VPS13C: variants seen among roughly 807,000 people sequenced by gnomAD.
The protein encoded by VPS13C is intermembrane lipid transfer protein VPS13C.
VPS13C carries 358 observed loss-of-function variants against 456.8 expected under a neutral mutation model. The ratio of observed to expected loss-of-function variants is 0.78; its 90% CI spans 0.72 to 0.86. The LOEUF (loss-of-function observed/expected upper bound fraction) is 0.86, where lower values mean the gene tolerates loss of function less well. Ranked by LOEUF, VPS13C falls within the 40% of genes least tolerant of loss-of-function variation. The pLI is 0.00. For missense variants in VPS13C, 4,818 were observed against 4,385.4 expected (o/e 1.10, Z -2.79); for synonymous variants, 1,578 against 1,486.7 (o/e 1.06, Z -1.41).
At chr15:62,038,128 T>G (rs2140688615) in intron 3 of VPS13C, among the ~76,000 whole-genome samples, 1 of 152,244 alleles carries the variant, frequency 6.6e-6, no homozygotes, top group East Asian at 1.9e-4. Flanking sequence ...TGGCTTGTAA[T>G]TTACTTATTT....
intron 61 of VPS13C, among the ~76,000 whole-genome samples, chr15:61,914,878 T>TTAA (rs1455691773): frequency 1.3e-4 from 13 of 102,052 alleles, no homozygotes; most frequent in East Asian, 2.9e-4. Context: ...AACTCTGCCT[T>TTAA]AAAAAAAAAA....
intron 42 of VPS13C, among the ~76,000 whole-genome samples, chr15:61,949,001 G>T (rs573022960): frequency 6.6e-6 from 1 of 152,252 alleles, no homozygotes; most frequent in South Asian, 2.1e-4. Flanking sequence ...CAATATGAGT[G>T]TGTCTATTCC....
rs1895302404 is a variant in VPS13C, at chr15:61,874,907, A to C, written c.10383T>G (p.Ile3461Met). 6.3e-7 allele frequency: 1 copy of C among 1,594,412 alleles called. No homozygotes were observed. Among genetic ancestry groups the C allele is most frequent in the South Asian group, 1.1e-5 (1 of 86,994 alleles). The change falls in exon 77 of 85, where the codon ATT (isoleucine) becomes ATG (methionine). Residue 3461 changes from isoleucine (I) to methionine (M), a missense_variant. Ile to Met is a conservative substitution (Grantham distance 10). Transcript: ENST00000644861. Reference sequence around the variant, plus strand: ...TGTGTCCAAAGAGGCTTCTCACTCCAATCACTAACCCCTCTGCAAATTCTT... The same window carrying C: ...TGTGTCCAAAGAGGCTTCTCACTCCCATCACTAACCCCTCTGCAAATTCTT... ...GPEEFAEGLV[I>M]GVRSLFGHTV...
Position 61,945,782 on chromosome 15 carries a change from C to T in VPS13C, c.5081G>A (p.Gly1694Asp). ...EAYADMSKVD[G>D]KLSFKVGCIQ... Reference sequence around the variant, plus strand: ...ACAACCCACTTTAAAACTAAGTTTGCCGTCTACTTTGGACATATCAGCATA... The same window carrying T: ...ACAACCCACTTTAAAACTAAGTTTGTCGTCTACTTTGGACATATCAGCATA... Residue 1694 changes from glycine (G) to aspartate (D), a missense_variant, in exon 45 of 85, where the codon GGC (glycine) becomes GAC (aspartate). Physicochemically the swap from Gly to Asp is moderately conservative, Grantham distance 94. Coordinates refer to ENST00000644861, the MANE Select transcript of VPS13C (RefSeq NM_020821.3). The T allele has an allele frequency of 6.2e-7, 1 of 1,612,250 alleles. No individual in the cohort carries two copies. The highest frequency in any genetic ancestry group is 8.5e-7 in the Non-Finnish European group (1 of 1,179,212).
intron 52 of VPS13C, among the ~76,000 whole-genome samples, chr15:61,926,574 A>AAT (rs1249166193): frequency 6.6e-6 from 1 of 152,244 alleles, no homozygotes; most frequent in Non-Finnish European, 1.5e-5. Context: ...TTAGTCACAT[A>AAT]ATATAATGAT....
chr15:61,922,955 T>C (rs1485361967), intron 53 of VPS13C, among the ~76,000 whole-genome samples, 193 bp from the exon 54 acceptor site: 3 of 152,148 alleles, frequency 2.0e-5, no homozygotes, highest in African/African-American at 7.2e-5. Flanking sequence ...AACACAAAAT[T>C]ATGTGTCAAG....
At chr15:62,002,075 T>A (rs1274788051) in intron 15 of VPS13C, among the ~76,000 whole-genome samples, 3 of 152,154 alleles carry the variant, frequency 2.0e-5, no homozygotes, top group African/African-American at 2.4e-5. Flanking sequence ...CTAGTTCTAG[T>A]TCCCTGAGGA....
At chr15:62,057,981 T>C (rs967229461) in intron 1 of VPS13C, among the ~76,000 whole-genome samples, 17 of 152,236 alleles carry the variant, frequency 1.1e-4, no homozygotes, top group Non-Finnish European at 2.5e-4. Context: ...TTTATCTTTT[T>C]AAAAAGAAAA....
Position 61,909,007 on chromosome 15 carries a change from AG to A in VPS13C, c.8962del (p.Leu2988SerfsTer47). 2 of 1,613,800 alleles carry A rather than the reference AG, an allele frequency of 1.2e-6. No homozygotes were observed. The highest frequency in any genetic ancestry group is 1.7e-6 in the Non-Finnish European group (2 of 1,179,826). ...TTTCTCATACCTCTGTTTGTATGTG[AG>A]GATGTCCCATGGTGTATGGTTCATT... ...LIMNHTPWDILTYKQSGSPEE... is the reference protein window; with the variant it reads ...LIMNHTPWDIXTYKQSGSPEE... On this transcript the variant is annotated frameshift_variant, in exon 65 of 85. Coordinates refer to ENST00000644861, the MANE Select transcript of VPS13C (RefSeq NM_020821.3). LOFTEE classifies it high-confidence loss of function.
intron 15 of VPS13C, among the ~76,000 whole-genome samples, chr15:62,004,405 CTCTTT>C (rs1185817679): frequency 1.3e-5 from 2 of 152,044 alleles, no homozygotes; most frequent in African/African-American, 4.8e-5. Flanking sequence ...TTTGATTCTT[CTCTTT>C]TTTCTTCTTT....
intron 1 of VPS13C, among the ~76,000 whole-genome samples, chr15:62,059,063 T>TA (rs1203229691): frequency 6.6e-6 from 1 of 152,076 alleles, no homozygotes; most frequent in Non-Finnish European, 1.5e-5. Context: ...AAAGTAAAAC[T>TA]AAAAAACACG....
At chr15:61,936,452 C>T in intron 48 of VPS13C, 145 bp downstream of exon 48, 3 of 727,130 alleles carry the variant, frequency 4.1e-6, no homozygotes, top group Non-Finnish European at 5.8e-6. Flanking sequence ...ACATACCTCC[C>T]AGCCCCAGCC....
At chr15:61,989,645 T>A (rs2046162906) in intron 18 of VPS13C, among the ~76,000 whole-genome samples, 1 of 152,024 alleles carries the variant, frequency 6.6e-6, no homozygotes, top group African/African-American at 2.4e-5. Context: ...CAAAGACCAA[T>A]ACATACATAA....
At chr15:62,036,019 C>T (rs886901718) in intron 3 of VPS13C, among the ~76,000 whole-genome samples, 1 of 152,004 alleles carries the variant, frequency 6.6e-6, no homozygotes, top group African/African-American at 2.4e-5. Flanking sequence ...CCCCTCGTTC[C>T]AGGTCTCCAG....
intron 19 of VPS13C, 137 bp from the exon 20 acceptor site, chr15:61,984,149 C>T: frequency 1.4e-6 from 1 of 719,460 alleles, no homozygotes; most frequent in South Asian, 2.1e-5. Context: ...TGAAGCTCAA[C>T]CTCCTTAGCC....
rs775382772 is a variant in VPS13C at position 61,961,836 on chromosome 15, C to A, written c.3661G>T (p.Ala1221Ser). The change falls in exon 35 of 85, where the codon GCT (alanine) becomes TCT (serine). Residue 1221 changes from alanine to serine, a missense_variant. By Grantham distance (99) the Ala-to-Ser change is moderately conservative. This residue lies in a region of VPS13C where 4,552 missense variants were observed against 4,130.6 expected (regional missense o/e 1.10). Coordinates refer to ENST00000644861, the MANE Select transcript of VPS13C (RefSeq NM_020821.3). ...ACACTTGTGGCAGCCCTTTCTGCAGCCTGGGCAGTGGCAGCACTCAGAGAC... is the reference window on the plus strand; with the variant it reads ...ACACTTGTGGCAGCCCTTTCTGCAGACTGGGCAGTGGCAGCACTCAGAGAC... ...KESLSAATAQAAERAATSVKD... is the reference protein window; with the variant it reads ...KESLSAATAQSAERAATSVKD... The A allele has an allele frequency of 5.0e-6, 8 of 1,613,958 alleles. No individual in the cohort carries two copies. Among genetic ancestry groups the A allele is most frequent in the Non-Finnish European group, 6.8e-6 (8 of 1,179,938 alleles).
chr15:61,985,197 C>G (rs1396164520), intron 18 of VPS13C, among the ~76,000 whole-genome samples, 198 bp from the exon 19 acceptor site: 2 of 152,130 alleles, frequency 1.3e-5, no homozygotes, highest in African/African-American at 2.4e-5. Flanking sequence ...AAATTCAATA[C>G]AAAATTGTCC....
intron 14 of VPS13C, 59 bp downstream of exon 14, chr15:62,008,596 G>A (rs564233475): frequency 8.1e-7 from 1 of 1,235,572 alleles, no homozygotes; most frequent in Admixed American, 2.3e-5. Context: ...TTAACTCTGA[G>A]AGTAACTAAA....
intron 66 of VPS13C, among the ~76,000 whole-genome samples, chr15:61,904,656 A>G (rs2140126673): frequency 6.6e-6 from 1 of 152,208 alleles, no homozygotes; most frequent in South Asian, 2.1e-4. Context: ...ATCCCAATGA[A>G]AGGAAATCAG....
Sources: gnomAD v4.1 joint callset for allele counts (sites outside exome capture counted in the v4.1 genomes callset) on GRCh38, gnomAD v4.1.1 for gene constraint, gnomAD v4.1.1 regional missense constraint, MANE v1.5 for transcripts, NCBI Gene and HGNC (gene_info 2026-07-23, HGNC 2026-07-21) for gene names.